The following HSDL1 variants were observed in gnomAD, a reference collection of about 807,000 sequenced individuals.
HSDL1 encodes the protein hydroxysteroid dehydrogenase like 1.
Under a neutral mutation model 31.5 loss-of-function variants are expected in HSDL1, and 29 were observed. The ratio of observed to expected loss-of-function variants is 0.92; its 90% CI spans 0.69 to 1.26. The LOEUF (loss-of-function observed/expected upper bound fraction) is 1.26. Ranked by LOEUF, HSDL1 falls within the 50% of genes most tolerant of loss-of-function variation. HSDL1 has a pLI of 0.00. For synonymous variants in HSDL1, 222 were observed against 155.2 expected, an observed-to-expected ratio of 1.43 and a Z score of -3.20; for missense variants, 503 against 416.6, an observed-to-expected ratio of 1.21 and a Z score of -1.81.
Position 84,130,500 on chromosome 16 carries a change from AC to A in HSDL1, c.221-70del, listed in dbSNP as rs2086653120. The A allele has an allele frequency of 6.9e-6, 9 of 1,312,450 alleles. No homozygotes were observed. The Admixed American group carries it at 8.6e-5, about 13-fold the overall frequency. The allele number at this position is 1,312,450 out of a possible 1,614,324, so 81.3% of individuals were successfully genotyped here. A position where few individuals can be genotyped will look rare whatever the true frequency, so the allele number is the denominator to read the frequency against. ...GTGACCCTTAAAATGGACCCAAAGT[AC>A]CCCCTGTCAGGTTTAGTCAGAGAAA... On this transcript the variant is annotated intron_variant, in intron 3 of 5. Coordinates refer to ENST00000219439, the MANE Select transcript of HSDL1 (RefSeq NM_031463.5).
At chr16:84,127,402 G>C (rs1170340697) in intron 5 of HSDL1, among the ~76,000 whole-genome samples, 1 of 151,422 alleles carries the variant, frequency 6.6e-6, no homozygotes, top group Non-Finnish European at 1.5e-5. Context: ...TTTTAGTAGA[G>C]ATGGGGTTTC....
At chr16:84,126,295 G>A (rs146194925) in intron 5 of HSDL1, among the ~76,000 whole-genome samples, 279 of 152,184 alleles carry the variant, frequency 1.8e-3, no homozygotes, top group African/African-American at 6.4e-3. Context: ...GGGTGCTCAG[G>A]GGACCAGGGA....
chr16:84,130,824 A>G (rs1215466614), intron 3 of HSDL1: 1 of 412,420 alleles, frequency 2.4e-6, no homozygotes, highest in Non-Finnish European at 4.3e-6. Flanking sequence ...ACAATTTTAA[A>G]ACAGAGAACA....
At position 84,132,999 on chromosome 16, in the gene HSDL1, G is replaced by C. The variant is rs558439048; in HGVS notation, c.-6-1672C>G. Among the ~76,000 whole-genome samples, 8 of 151,042 alleles carry C rather than the reference G, an allele frequency of 5.3e-5. No homozygotes were observed. The South Asian group carries it at 1.7e-3, about 32-fold the overall frequency. On this transcript the variant is annotated intron_variant, in intron 2 of 5. Coordinates refer to ENST00000219439, the MANE Select transcript of HSDL1 (RefSeq NM_031463.5). The stretch of plus-strand genomic sequence containing the variant: ...AAATAGAAAAAAAAAAAAAAGTCTG[G>C]ATACTAAGAAAATACCCAACAATAG...
chr16:84,129,171 G>A (rs555554393), intron 5 of HSDL1, among the ~76,000 whole-genome samples: 20 of 152,110 alleles, frequency 1.3e-4, no homozygotes, highest in African/African-American at 4.3e-4. Context: ...TCATGAGGCC[G>A]GAGATCAAGA....
At chr16:84,142,848 AAAACTT>A (rs757468289) in intron 1 of HSDL1, among the ~76,000 whole-genome samples, 1 of 152,234 alleles carries the variant, frequency 6.6e-6, no homozygotes, top group South Asian at 2.1e-4. Context: ...TCTTGAGAAA[AAAACTT>A]AAGCTTTTCA....
At chr16:84,131,433 G>A (rs1318530713) in intron 2 of HSDL1, 106 bp from the exon 3 acceptor site, 1 of 761,406 alleles carries the variant, frequency 1.3e-6, no homozygotes, top group Admixed American at 2.2e-5. Flanking sequence ...CTTGTCAATT[G>A]TACGTTCAAA....
chr16:84,140,990 C>T (rs2086762871), intron 1 of HSDL1, among the ~76,000 whole-genome samples: 1 of 142,864 alleles, frequency 7.0e-6, no homozygotes, highest in Non-Finnish European at 1.5e-5. Context: ...ACTCGGGAGG[C>T]TGAGGCAGGA....
rs2086837720 is a variant in HSDL1, at chr16:84,145,125, C to G, written c.-114G>C. The G allele has an allele frequency of 5.4e-6, 1 of 184,040 alleles. No homozygotes were observed. The highest frequency in any genetic ancestry group is 2.4e-5 in the African/African-American group (1 of 42,164). 11.4% of individuals were successfully genotyped at this position (184,040 alleles called of 1,614,324 possible). A position where few individuals can be genotyped will look rare whatever the true frequency, so the allele number is the denominator to read the frequency against. ...CCAAACCGGTCCCGCCAGACCCGCGCGGCCGCCGCCCCCGTCTCGGCCGCC... is the reference window on the plus strand; with the variant it reads ...CCAAACCGGTCCCGCCAGACCCGCGGGGCCGCCGCCCCCGTCTCGGCCGCC... On this transcript the variant is annotated 5_prime_UTR_variant, in exon 1 of 6. Coordinates refer to ENST00000219439, the MANE Select transcript of HSDL1 (RefSeq NM_031463.5).
At chr16:84,135,350 TAAGGCTCTCGCTACA>T (rs138315873) in intron 2 of HSDL1, among the ~76,000 whole-genome samples, 179 bp downstream of exon 2, 3,666 of 151,454 alleles carry the variant, frequency 0.024, 66 homozygotes, top group Middle Eastern at 0.077. Context: ...GCCTATAGAG[TAAGGCTCTCGCTACA>T]AAAAGGAGGT....
intron 2 of HSDL1, among the ~76,000 whole-genome samples, chr16:84,132,084 A>T (rs925156719): frequency 6.6e-6 from 1 of 152,252 alleles, no homozygotes; most frequent in Non-Finnish European, 1.5e-5. Context: ...CCAAATTCCC[A>T]CTAAAATTCA....
At position 84,129,663 on chromosome 16, in the gene HSDL1, T is replaced by C. The variant is rs113738422; in HGVS notation, c.779A>G (p.Asn260Ser). The change falls in exon 5 of 6, where the codon AAC (asparagine) becomes AGC (serine). Residue 260 changes from asparagine (N) to serine (S), a missense_variant. Asn to Ser is a conservative substitution (Grantham distance 46). Transcript: ENST00000219439. ...CAACCACGAGCACCTGTGCAGAAAGTTGCTGGGTGCTGTCATGCTGGTGGC... is the reference window on the plus strand; with the variant it reads ...CAACCACGAGCACCTGTGCAGAAAGCTGCTGGGTGCTGTCATGCTGGTGGC... ...YVATSMTAPS[N>S]FLHRCSWLVP... is the part of the protein sequence containing the mutation. 8.7e-5 allele frequency: 140 copies of C among 1,614,224 alleles called. No individual in the cohort carries two copies. In the African/African-American group the frequency reaches 1.4e-3, roughly 16 times the overall value.
rs766984441 is a variant in HSDL1 at position 84,129,787 on chromosome 16, G to A, written c.667-12C>T. ...TGGTCTAAATAAGCCTGTTGAGACA[G>A]AGGGGAGGAAAAGACTTTTAATTCT... On this transcript the variant is annotated splice_polypyrimidine_tract_variant and intron_variant, in intron 4 of 5. Transcript: ENST00000219439. The A allele has an allele frequency of 2.5e-6, 4 of 1,592,262 alleles. No homozygotes were observed. The highest frequency in any genetic ancestry group is 1.7e-5 in the Admixed American group (1 of 58,718).
intron 2 of HSDL1, among the ~76,000 whole-genome samples, chr16:84,133,333 A>G (rs2086685208): frequency 6.6e-6 from 1 of 152,244 alleles, no homozygotes; most frequent in South Asian, 2.1e-4. Flanking sequence ...TAAATGCCCT[A>G]CGATAAGGAA....
intron 1 of HSDL1, among the ~76,000 whole-genome samples, chr16:84,138,640 T>TA: frequency 6.6e-6 from 1 of 152,330 alleles, no homozygotes; most frequent in Non-Finnish European, 1.5e-5. Context: ...TAAAATAATT[T>TA]AAAAAAATTT....
At position 84,129,768 on chromosome 16, in the gene HSDL1, A is replaced by T; in HGVS notation, c.674T>A (p.Leu225Ter). Residue 225 changes from leucine to a stop codon, truncating the protein, a stop_gained, in exon 5 of 6, where the codon TTA becomes TAA. Transcript: ENST00000219439. LOFTEE classifies it high-confidence loss of function. ...TTGCAAGGCTCTGCTGAAGTGGTCTAAATAAGCCTGTTGAGACAGAGGGGA... is the reference window on the plus strand; with the variant it reads ...TTGCAAGGCTCTGCTGAAGTGGTCTTAATAAGCCTGTTGAGACAGAGGGGA... Reference protein sequence around the residue: ...LAAFSASKAYLDHFSRALQYE... With the variant: ...LAAFSASKAY 10 of 1,612,188 alleles carry T rather than the reference A, an allele frequency of 6.2e-6. No homozygotes were observed. Among genetic ancestry groups the T allele is most frequent in the Non-Finnish European group, 8.5e-6 (10 of 1,178,214 alleles).
Position 84,124,520 on chromosome 16 carries a change from G to T in HSDL1, c.*110C>A. 1 of 728,088 alleles carries T rather than the reference G, an allele frequency of 1.4e-6. No homozygotes were observed. The highest frequency in any genetic ancestry group is 2.5e-6 in the Non-Finnish European group (1 of 404,316). 45.1% of individuals were successfully genotyped at this position (728,088 alleles called of 1,614,324 possible). ...TTTGCAAATGACGAATCAACAGTAT[G>T]CTGAATAATCAGCAATGAAACACAG... is the stretch of plus-strand genomic sequence containing the variant. On this transcript the variant is annotated 3_prime_UTR_variant, in exon 6 of 6. Coordinates refer to ENST00000219439, the MANE Select transcript of HSDL1 (RefSeq NM_031463.5).
At chr16:84,141,292 G>C (rs2086767305) in intron 1 of HSDL1, among the ~76,000 whole-genome samples, 1 of 151,428 alleles carries the variant, frequency 6.6e-6, no homozygotes, top group Non-Finnish European at 1.5e-5. Flanking sequence ...GCAGTTCACA[G>C]GTCCCCCTGC....
At chr16:84,125,265 C>T (rs978076256) in intron 5 of HSDL1, 5 of 153,276 alleles carry the variant, frequency 3.3e-5, no homozygotes, top group South Asian at 1.9e-4. Context: ...CAATCAATCA[C>T]AACAAATACC....
Sources: gnomAD v4.1 joint callset for allele counts (sites outside exome capture counted in the v4.1 genomes callset) on GRCh38, gnomAD v4.1.1 for gene constraint, MANE v1.5 for transcripts, NCBI Gene and HGNC (gene_info 2026-07-23, HGNC 2026-07-21) for gene names.